FBXL5: variants seen among roughly 807,000 people sequenced by gnomAD.
FBXL5 encodes F-box/LRR-repeat protein 5.
In FBXL5, 26 loss-of-function variants were observed where a neutral mutation model predicts 78.3. That is an observed-to-expected ratio of 0.33 (90% CI 0.24 to 0.46). The LOEUF (loss-of-function observed/expected upper bound fraction) is 0.46, where lower values mean the gene tolerates loss of function less well. Ranked by LOEUF, FBXL5 falls within the 20% of genes least tolerant of loss-of-function variation. FBXL5 has a pLI of 1.00. For synonymous variants in FBXL5, 295 were observed against 282.5 expected (o/e 1.04, Z -0.45); for missense variants, 710 against 829.2 (o/e 0.86, Z 1.77).
At chr4:15,680,616 C>T (rs12650632) in intron 1 of FBXL5, among the ~76,000 whole-genome samples, 1 of 151,912 alleles carries the variant, frequency 6.6e-6, no homozygotes, top group African/African-American at 2.4e-5. Context: ...GCTGAGGTTG[C>T]AGTGAGCCGA....
intron 9 of FBXL5, among the ~76,000 whole-genome samples, chr4:15,620,166 A>C (rs1712335602): frequency 2.6e-5 from 4 of 152,236 alleles, no homozygotes; most frequent in Admixed American, 1.3e-4. Flanking sequence ...CTGAAAAATA[A>C]ATTTTAAAAA....
chr4:15,624,694 C>T (rs1712839753), intron 9 of FBXL5, among the ~76,000 whole-genome samples: 1 of 151,046 alleles, frequency 6.6e-6, no homozygotes, highest in Non-Finnish European at 1.5e-5. Context: ...TCCACATGTT[C>T]TCTTTATGAC....
intron 1 of FBXL5, among the ~76,000 whole-genome samples, chr4:15,669,412 G>A (rs1451882337): frequency 6.6e-6 from 1 of 152,096 alleles, no homozygotes; most frequent in African/African-American, 2.4e-5. Context: ...TTAACAGAAT[G>A]TCATTATATA....
chr4:15,655,080 C>CGGCT (rs2148733767), intron 1 of FBXL5, 124 bp downstream of exon 1: 2 of 666,704 alleles, frequency 3.0e-6, no homozygotes, highest in Non-Finnish European at 4.0e-6. Flanking sequence ...GCTGCGCAGG[C>CGGCT]GGCTACTCGC....
chr4:15,669,268 C>G (rs1333736808), intron 1 of FBXL5, among the ~76,000 whole-genome samples: 1 of 152,136 alleles, frequency 6.6e-6, no homozygotes, highest in Non-Finnish European at 1.5e-5. Context: ...ACCAGTACAG[C>G]ATGTTACTTT....
Position 15,612,307 on chromosome 4 carries a change from G to A in FBXL5, c.1958C>T (p.Ser653Phe). ...GTAGTAAAAGTATTCATCATTCAGA[G>A]AAGGACATGCTGAAACCAAATCCTG... ...GLQDLVSACP[S>F]LNDEYFYYCD... is the part of the protein sequence containing the mutation. Residue 653 changes from serine (S) to phenylalanine (F), a missense_variant, in exon 10 of 11, where the codon TCT (serine) becomes TTT (phenylalanine). By Grantham distance (155) the Ser-to-Phe change is radical. Around this residue, in one of 4 missense-constraint regions of FBXL5, gnomAD observed 58 missense variants for 112.3 expected, o/e 0.52. Transcript: ENST00000341285. The A allele has an allele frequency of 6.2e-7, 1 of 1,611,766 alleles. No homozygotes were observed. Among genetic ancestry groups the A allele is most frequent in the Non-Finnish European group, 8.5e-7 (1 of 1,179,000 alleles).
upstream of FBXL5, chr4:15,656,180 A>C: frequency 2.2e-6 from 1 of 456,200 alleles, no homozygotes; most frequent in Non-Finnish European, 4.4e-6. Flanking sequence ...CCTTGGTACA[A>C]ATCCCGCCAT....
chr4:15,622,812 A>G (rs368768230), intron 9 of FBXL5, among the ~76,000 whole-genome samples: 7 of 152,344 alleles, frequency 4.6e-5, no homozygotes, highest in African/African-American at 1.4e-4. Context: ...TTAGCCACAG[A>G]TAAGACAGAT....
chr4:15,635,408 A>G (rs1399979296), intron 5 of FBXL5, among the ~76,000 whole-genome samples: 1 of 152,098 alleles, frequency 6.6e-6, no homozygotes, highest in East Asian at 1.9e-4. Context: ...TAAATCAGAC[A>G]TAAAGTCATA....
upstream of FBXL5, chr4:15,659,845 C>T: frequency 2.0e-6 from 1 of 497,652 alleles, no homozygotes; most frequent in Non-Finnish European, 2.6e-6. Context: ...TGTGTATGGC[C>T]TGAGGGAAAG....
intron 1 of FBXL5, among the ~76,000 whole-genome samples, chr4:15,647,455 C>T (rs550311673): frequency 1.3e-5 from 2 of 151,944 alleles, no homozygotes; most frequent in Admixed American, 6.6e-5. Flanking sequence ...CATGGGTGTC[C>T]TGAAAACAAT....
At chr4:15,616,617 C>A (rs10223039) in intron 9 of FBXL5, among the ~76,000 whole-genome samples, 146,116 of 152,318 alleles carry the variant, frequency 0.96, 70,359 homozygotes, top group East Asian at 1. Context: ...TTCAGCTGGA[C>A]GTTTCCTTCT....
At position 15,625,477 on chromosome 4, in the gene FBXL5, G is replaced by C. The variant is rs995655210; in HGVS notation, c.1625C>G (p.Ala542Gly). Residue 542 changes from alanine (A) to glycine (G), a missense_variant, in exon 9 of 11, where the codon GCC (alanine) becomes GGC (glycine). Physicochemically the swap from Ala to Gly is moderately conservative, Grantham distance 60. Around this residue, in one of 4 missense-constraint regions of FBXL5, gnomAD observed 517 missense variants for 542.9 expected, o/e 0.95. Coordinates refer to ENST00000341285, the MANE Select transcript of FBXL5 (RefSeq NM_012161.4). ...VCWQQHCASP[A>G]FAYCGHSFCC... ...AAATGAGTGACCACAATACGCAAAG[G>C]CTGGAGAAGCACAATGCTGCTGCCA... 1 of 1,613,882 alleles carries C rather than the reference G, an allele frequency of 6.2e-7. No individual in the cohort carries two copies. The highest frequency in any genetic ancestry group is 2.2e-5 in the East Asian group (1 of 44,878).
upstream of FBXL5, among the ~76,000 whole-genome samples, chr4:15,660,499 C>G (rs1717253414): frequency 6.6e-6 from 1 of 152,174 alleles, no homozygotes; most frequent in Non-Finnish European, 1.5e-5. Context: ...ATGTATACAT[C>G]TTATTTGTGT....
At chr4:15,624,406 G>A (rs1022279948) in intron 9 of FBXL5, among the ~76,000 whole-genome samples, 2 of 151,950 alleles carry the variant, frequency 1.3e-5, no homozygotes, top group Non-Finnish European at 2.9e-5. Context: ...ACAGAAAAAA[G>A]CAAAATCAAT....
chr4:15,607,772 A>G (rs1721984993), intron 10 of FBXL5, among the ~76,000 whole-genome samples: 1 of 152,208 alleles, frequency 6.6e-6, no homozygotes, highest in Admixed American at 6.5e-5. Flanking sequence ...CCTTAGGTCC[A>G]TCATGAAATG....
At position 15,644,532 on chromosome 4, in the gene FBXL5, C is replaced by A. The variant is rs1035257654; in HGVS notation, c.261G>T (p.Glu87Asp). The A allele has an allele frequency of 6.2e-7, 1 of 1,613,828 alleles. No homozygotes were observed. ...GTCCCTTTTCAAAGAGGCTAAGCAT[C>A]TCGGAGAGTTTATTGTCAGAATGTA... The part of the protein sequence containing the change: ...YNVHSDNKLS[E>D]MLSLFEKGLK... The change falls in exon 2 of 11, where the codon GAG becomes GAT. Residue 87 changes from glutamate (E) to aspartate (D), a missense_variant. Coordinates refer to ENST00000341285, the MANE Select transcript of FBXL5 (RefSeq NM_012161.4).
chr4:15,619,815 C>T (rs1712298891), intron 9 of FBXL5, among the ~76,000 whole-genome samples: 1 of 152,018 alleles, frequency 6.6e-6, no homozygotes, highest in Non-Finnish European at 1.5e-5. Context: ...GACCCAGTTC[C>T]CCCCACCCTC....
intron 8 of FBXL5, among the ~76,000 whole-genome samples, chr4:15,626,230 A>G (rs567833191): frequency 6.6e-4 from 101 of 152,324 alleles, no homozygotes; most frequent in African/African-American, 2.3e-3. Context: ...GGATTGGAAG[A>G]CTTAAGTTTA....
Sources: gnomAD v4.1 joint callset for allele counts (sites outside exome capture counted in the v4.1 genomes callset) on GRCh38, gnomAD v4.1.1 for gene constraint, gnomAD v4.1.1 regional missense constraint, MANE v1.5 for transcripts, NCBI Gene and HGNC (gene_info 2026-07-23, HGNC 2026-07-21) for gene names.